Variants in ITGAD observed in about 807,000 individuals in gnomAD.
ITGAD encodes the protein integrin subunit alpha D.
A neutral mutation model predicts 139.0 loss-of-function variants in ITGAD; 105 were observed. The observed-to-expected ratio is 0.76, with a 90% CI of 0.65 to 0.89. The LOEUF is 0.89. ITGAD is among the 40% of genes least tolerant of loss of function. ITGAD has a pLI of 0.00. For synonymous variants in ITGAD, 569 were observed against 598.3 expected (o/e 0.95, Z 0.71); for missense variants, 1,384 against 1,487.3 (o/e 0.93, Z 1.14).
Position 31,414,511 on chromosome 16 carries a change from G to A in ITGAD, c.2057G>A (p.Arg686His), listed in dbSNP as rs1206042214. 1.5e-5 allele frequency: 25 copies of A among 1,614,192 alleles called. No homozygotes were observed. Among genetic ancestry groups the A allele is most frequent in the African/African-American group, 4.0e-5 (3 of 75,042 alleles). Residue 686 changes from arginine (R) to histidine (H), a missense_variant, in exon 17 of 30, where the codon CGT becomes CAT. Arg to His is a conservative substitution (Grantham distance 29, BLOSUM62 0). Transcript: ENST00000389202. ...LALDPGRLTSRAIFNETKNPT... is the reference protein window; with the variant it reads ...LALDPGRLTSHAIFNETKNPT... ...CTGGACCCAGGTCGTCTGACTTCTC[G>A]TGCCATTTTCAATGAAACCAAGAAC... is the stretch of plus-strand genomic sequence containing the variant.
chr16:31,424,044 C>A, intron 27 of ITGAD, 58 bp from the exon 28 acceptor site: 1 of 1,607,438 alleles, frequency 6.2e-7, no homozygotes, highest in Non-Finnish European at 8.5e-7. Flanking sequence ...AGGGCACCCC[C>A]GAAGCTCTGA....
At position 31,410,469 on chromosome 16, in the gene ITGAD, C is replaced by A. The variant is rs761474502; in HGVS notation, c.1158C>A (p.Ser386Arg). Reference sequence around the variant, plus strand: ...CCTTCCTGTATCCCCCAAATATGAGCCCCACCTTCATCAACATGTCTCAGG... The same window carrying A: ...CCTTCCTGTATCCCCCAAATATGAGACCCACCTTCATCAACATGTCTCAGG... ...GGAFLYPPNM[S>R]PTFINMSQEN... Residue 386 changes from serine to arginine, a missense_variant, in exon 11 of 30, where the codon AGC (serine) becomes AGA (arginine). Ser to Arg is a moderately radical substitution (Grantham distance 110, BLOSUM62 -1). Transcript: ENST00000389202. The A allele has an allele frequency of 1.2e-6, 2 of 1,613,924 alleles. No homozygotes were observed. The highest frequency in any genetic ancestry group is 1.1e-5 in the South Asian group (1 of 91,060).
Position 31,424,164 on chromosome 16 carries a change from C to T in ITGAD, c.3222C>T (p.Tyr1074=), listed in dbSNP as rs1325743805. 6.2e-7 allele frequency: 1 copy of T among 1,614,122 alleles called. No individual in the cohort carries two copies. The highest frequency in any genetic ancestry group is 2.2e-5 in the East Asian group (1 of 44,900). ...AAATTACGTTCGACACATCCGTGTACTCCCAGCTTCCAGGACAGGAGGCAT... is the reference window on the plus strand; with the variant it reads ...AAATTACGTTCGACACATCCGTGTATTCCCAGCTTCCAGGACAGGAGGCAT... ...VAEITFDTSV[Y]SQLPGQEAFM... Residue 1074 remains tyrosine, a synonymous_variant, in exon 28 of 30, where the codon TAC becomes TAT. Transcript: ENST00000389202.
chr16:31,423,618 C>T lies in ITGAD; in HGVS notation c.3015C>T (p.Phe1005=), dbSNP rs749480061. 2 of 1,614,032 alleles carry T rather than the reference C, an allele frequency of 1.2e-6. No homozygotes were observed. The highest frequency in any genetic ancestry group is 2.7e-5 in the African/African-American group (2 of 74,912). Residue 1005 remains phenylalanine (F), a synonymous_variant, in exon 26 of 30, where the codon TTC becomes TTT. Transcript: ENST00000389202. The stretch of plus-strand genomic sequence containing the variant: ...GAAAACCTCCCCAGCATTCTGACTT[C>T]CTGACCCAGATTTCAAGAAGTCCCA... ...SERKPPQHSD[F]LTQISRSPML...
intron 18 of ITGAD, 96 bp from the exon 19 acceptor site, chr16:31,416,117 G>A: frequency 1.0e-6 from 1 of 1,004,556 alleles, no homozygotes; most frequent in Non-Finnish European, 1.5e-6. Context: ...GGGGGCAGTG[G>A]CTTAGTAATG....
chr16:31,420,420 C>T (rs777168329), intron 23 of ITGAD, among the ~76,000 whole-genome samples: 25 of 151,374 alleles, frequency 1.7e-4, no homozygotes, highest in African/African-American at 2.4e-4. Context: ...TTTTTTTAGA[C>T]GGAATCTCAC....
chr16:31,418,245 C>T, intron 21 of ITGAD, 54 bp downstream of exon 21: 3 of 1,603,410 alleles, frequency 1.9e-6, no homozygotes, highest in Non-Finnish European at 2.6e-6. Flanking sequence ...CCAATCTGTC[C>T]CTCACTCTGC....
chr16:31,408,035 G>A (rs769031611), intron 9 of ITGAD, 119 bp downstream of exon 9: 225 of 1,102,018 alleles, frequency 2.0e-4, no homozygotes, highest in Non-Finnish European at 2.6e-4. Context: ...GTAGTGGCAC[G>A]ATCTCGGCTC....
rs191469557 is a variant in ITGAD, at chr16:31,395,036, G to T, written c.137+695G>T. 6.6e-3 allele frequency among the ~76,000 whole-genome samples: 1,008 copies of T among 152,322 alleles called. 13 individuals are homozygous for T. The highest frequency in any genetic ancestry group is 0.023 in the African/African-American group (954 of 41,576). On this transcript the variant is annotated intron_variant, in intron 2 of 29. Transcript: ENST00000389202. ...TTTGCAAGTAAAGAATGATGGCAGG[G>T]CTGGGCACCATGGCTCACGCCTATA... is the stretch of plus-strand genomic sequence containing the variant.
intron 12 of ITGAD, 58 bp from the exon 13 acceptor site, chr16:31,411,018 G>C (rs2081688704): frequency 1.2e-6 from 2 of 1,604,616 alleles, no homozygotes; most frequent in Non-Finnish European, 1.7e-6. Context: ...GCGGGACCCT[G>C]GCCCACAGGG....
chr16:31,398,695 G>C (rs1258944759), intron 5 of ITGAD, among the ~76,000 whole-genome samples: 2 of 151,924 alleles, frequency 1.3e-5, no homozygotes, highest in African/African-American at 4.8e-5. Context: ...ATGTTACCCA[G>C]CCTGGTCTTG....
intron 5 of ITGAD, among the ~76,000 whole-genome samples, chr16:31,399,249 G>A (rs1311390277): frequency 2.0e-5 from 3 of 152,186 alleles, no homozygotes; most frequent in Admixed American, 6.5e-5. Flanking sequence ...TAATCAGGGG[G>A]TTATGAAGGT....
At chr16:31,406,956 C>T (rs2081554962) in intron 7 of ITGAD, among the ~76,000 whole-genome samples, 1 of 152,186 alleles carries the variant, frequency 6.6e-6, no homozygotes, top group Admixed American at 6.5e-5. Context: ...TGCTTTGAAC[C>T]ACACTGCCTC....
chr16:31,402,275 TG>T, intron 6 of ITGAD, 30 bp downstream of exon 6: 2 of 192,782 alleles, frequency 1.0e-5, no homozygotes, highest in African/African-American at 1.7e-4. Context: ...GGCTGGGGTT[TG>T]GGGGACGGGG....
chr16:31,408,056 C>T, intron 9 of ITGAD, 140 bp downstream of exon 9: 1 of 873,588 alleles, frequency 1.1e-6, no homozygotes, highest in Non-Finnish European at 1.7e-6. Flanking sequence ...ACTGCAACCT[C>T]TGCCTCCTGG....
In ITGAD at chr16:31,414,100, TATC is replaced by T. The variant is rs1377645561; in HGVS notation, c.1997-347_1997-345del. Among the ~76,000 whole-genome samples, 27 of 152,304 alleles carry T rather than the reference TATC, an allele frequency of 1.8e-4. No individual in the cohort carries two copies. In the South Asian group the frequency reaches 5.0e-3, roughly 28 times the overall value. On this transcript the variant is annotated intron_variant, in intron 16 of 29. Transcript: ENST00000389202. ...TATTAATCTAATCACCTATCTAATCTATCATCTATCTACCAATCTATCACCTAT... is the reference window on the plus strand; with the variant it reads ...TATTAATCTAATCACCTATCTAATCTATCTATCTACCAATCTATCACCTAT...
At chr16:31,408,878 G>T (rs1402851174) in intron 10 of ITGAD, among the ~76,000 whole-genome samples, 1 of 152,208 alleles carries the variant, frequency 6.6e-6, no homozygotes, top group East Asian at 1.9e-4. Context: ...CAGGTCCTCG[G>T]CGGGAGAGAT....
chr16:31,399,491 A>C (rs1008315133), intron 5 of ITGAD, among the ~76,000 whole-genome samples: 7 of 152,126 alleles, frequency 4.6e-5, no homozygotes, highest in African/African-American at 1.4e-4. Context: ...GGGCCTTTAG[A>C]CAAAGGTGGA....
chr16:31,425,300 A>G lies in ITGAD; in HGVS notation c.3373-715A>G, dbSNP rs1265438922. Among the ~76,000 whole-genome samples the G allele has an allele frequency of 1.6e-4, 24 of 151,840 alleles. 1 individual carries two copies. Among genetic ancestry groups the G allele is most frequent in the Admixed American group, 9.8e-4 (15 of 15,238 alleles). On this transcript the variant is annotated intron_variant, in intron 29 of 29. Transcript: ENST00000389202. Reference sequence around the variant, plus strand: ...TGGTCAGATTGGTCTCAAACTCCTGACCTCATGTGATCCGCCCACCTCGGC... The same window carrying G: ...TGGTCAGATTGGTCTCAAACTCCTGGCCTCATGTGATCCGCCCACCTCGGC...
Sources: gnomAD v4.1 joint callset for allele counts (sites outside exome capture counted in the v4.1 genomes callset) on GRCh38, gnomAD v4.1.1 for gene constraint, MANE v1.5 for transcripts, NCBI Gene and HGNC (gene_info 2026-07-23, HGNC 2026-07-21) for gene names.